COL11A1: variants seen among roughly 807,000 people sequenced by gnomAD.
The protein encoded by COL11A1 is collagen alpha-1(XI) chain.
In COL11A1, 74 loss-of-function variants were observed where a neutral mutation model predicts 265.2. The observed-to-expected ratio is 0.28, with a 90% confidence interval of 0.23 to 0.34. COL11A1 has a LOEUF of 0.34. Ranked by LOEUF, COL11A1 falls within the 10% of genes least tolerant of loss-of-function variation. The pLI is 1.00. For synonymous variants in COL11A1, 816 were observed against 727.6 expected (o/e 1.12, Z -1.96); for missense variants, 2,165 against 2,263.6 (o/e 0.96, Z 0.88).
chr1:103,082,088 T>A (rs1309470224), intron 2 of COL11A1, among the ~76,000 whole-genome samples: 2 of 151,986 alleles, frequency 1.3e-5, no homozygotes, highest in African/African-American at 4.8e-5. Context: ...CACATTATCA[T>A]GATTTCTAGA....
At chr1:102,964,832 G>T (rs1268333777) in intron 38 of COL11A1, among the ~76,000 whole-genome samples, 1 of 152,042 alleles carries the variant, frequency 6.6e-6, no homozygotes, top group Non-Finnish European at 1.5e-5. Context: ...AATATGCTTT[G>T]CCAGGGAAGA....
intron 5 of COL11A1, chr1:103,030,882 G>A (rs1667931838): frequency 8.0e-6 from 4 of 497,844 alleles, no homozygotes; most frequent in Non-Finnish European, 1.5e-5. Flanking sequence ...CATATACACA[G>A]TATACAAGTG....
rs770333147 is a variant in COL11A1, at chr1:102,913,632, C to T, written c.4032+5G>A. 10 of 1,612,718 alleles carry T rather than the reference C, an allele frequency of 6.2e-6. No homozygotes were observed. The Admixed American group carries it at 1.3e-4, about 22-fold the overall frequency. ...ACTTAAAAATAAATTAGTGCATTTACTCACCGGTTGACCAGGATCTCCATC... is the reference window on the plus strand; with the variant it reads ...ACTTAAAAATAAATTAGTGCATTTATTCACCGGTTGACCAGGATCTCCATC... On this transcript the variant is annotated splice_donor_5th_base_variant and intron_variant, in intron 53 of 66. Coordinates refer to ENST00000370096, the MANE Select transcript of COL11A1 (RefSeq NM_001854.4).
At chr1:102,947,642 G>A (rs1413085774) in intron 41 of COL11A1, among the ~76,000 whole-genome samples, 1 of 151,836 alleles carries the variant, frequency 6.6e-6, no homozygotes, top group Non-Finnish European at 1.5e-5. Flanking sequence ...AAGATGTAAT[G>A]CTTTTAACTA....
At chr1:102,994,239 C>T (rs1664408462) in intron 28 of COL11A1, among the ~76,000 whole-genome samples, 1 of 152,078 alleles carries the variant, frequency 6.6e-6, no homozygotes, top group East Asian at 1.9e-4. Context: ...GATATTTACC[C>T]ACCCAAATCT....
At chr1:102,949,045 G>A (rs1260844166) in intron 41 of COL11A1, among the ~76,000 whole-genome samples, 2 of 151,256 alleles carry the variant, frequency 1.3e-5, no homozygotes, top group Admixed American at 6.6e-5. Flanking sequence ...GAATGCAAAG[G>A]TGTCCCTTGA....
rs958994468 is a variant in COL11A1 at position 103,074,600 on chromosome 1, A to T, written c.651+18T>A. 2.5e-6 allele frequency: 4 copies of T among 1,611,894 alleles called. No homozygotes were observed. Among genetic ancestry groups the T allele is most frequent in the African/African-American group, 1.3e-5 (1 of 74,862 alleles). On this transcript the variant is annotated intron_variant, in intron 4 of 66. Transcript: ENST00000370096. ...TCTGATTTGTCAATATTCAGCTTAG[A>T]GTTGGATTTATTTTTACCTCAAAAA...
At chr1:103,022,682 G>A in intron 8 of COL11A1, 60 bp downstream of exon 8, 2 of 1,599,344 alleles carry the variant, frequency 1.3e-6, no homozygotes, top group Non-Finnish European at 1.7e-6. Context: ...AGATGGACAT[G>A]GACATAAAAA....
Position 102,987,494 on chromosome 1 carries a change from CAA to C in COL11A1, c.2502+137_2502+138del, listed in dbSNP as rs1394161891. ...CACTGAAACGTAAATGTAATGGTTG[CAA>C]ATTTAAAATGATAATGAAACATTTT... On this transcript the variant is annotated intron_variant, in intron 30 of 66. Transcript: ENST00000370096. 3 of 755,500 alleles carry C rather than the reference CAA, an allele frequency of 4.0e-6. No homozygotes were observed. In the African/African-American group the frequency reaches 5.2e-5, roughly 13 times the overall value. The allele number at this position is 755,500 out of a possible 1,614,324, so 46.8% of individuals were successfully genotyped here.
At chr1:103,074,077 A>T (rs1393597345) in intron 4 of COL11A1, among the ~76,000 whole-genome samples, 1 of 152,120 alleles carries the variant, frequency 6.6e-6, no homozygotes, top group Non-Finnish European at 1.5e-5. Flanking sequence ...TGATTGGAGG[A>T]CTAAAAGAAT....
chr1:102,905,515 TAAAA>T (rs35687179), intron 54 of COL11A1, among the ~76,000 whole-genome samples: 1 of 140,102 alleles, frequency 7.1e-6, no homozygotes, highest in African/African-American at 2.6e-5. Flanking sequence ...CCATATAAGT[TAAAA>T]AAAAAAAAAA....
chr1:102,965,012 AT>A (rs1345124211), intron 38 of COL11A1, among the ~76,000 whole-genome samples: 3 of 152,138 alleles, frequency 2.0e-5, no homozygotes, highest in Non-Finnish European at 4.4e-5. Flanking sequence ...TATTTCTGAT[AT>A]TCATTATTAT....
At position 103,006,118 on chromosome 1, in the gene COL11A1, G is replaced by T. The variant is rs1373294721; in HGVS notation, c.1741C>A (p.Arg581Ser). The T allele has an allele frequency of 1.2e-6, 2 of 1,613,308 alleles. No individual in the cohort carries two copies. Among genetic ancestry groups the T allele is most frequent in the Non-Finnish European group, 1.7e-6 (2 of 1,179,720 alleles). The change falls in exon 17 of 67, where the codon CGT becomes AGT. Residue 581 changes from arginine to serine, a missense_variant. Physicochemically the swap from Arg to Ser is moderately radical, Grantham distance 110. Coordinates refer to ENST00000370096, the MANE Select transcript of COL11A1 (RefSeq NM_001854.4). ...CCTCTTCCTCCATCTGCACCTGGACGACCCTAATAATGCCAACAGCATGAT... is the reference window on the plus strand; with the variant it reads ...CCTCTTCCTCCATCTGCACCTGGACTACCCTAATAATGCCAACAGCATGAT... ...GPTGKPGKRG[R>S]PGADGGRGMP...
intron 19 of COL11A1, 58 bp downstream of exon 19, chr1:103,004,550 T>C: frequency 6.3e-7 from 1 of 1,586,742 alleles, no homozygotes; most frequent in Non-Finnish European, 8.6e-7. Context: ...TTCAACATGA[T>C]TTTGTTTTAT....
At chr1:102,977,522 T>C (rs181757575) in intron 35 of COL11A1, among the ~76,000 whole-genome samples, 230 of 152,262 alleles carry the variant, frequency 1.5e-3, no homozygotes, top group African/African-American at 4.7e-3. Flanking sequence ...TGTAAGGAAA[T>C]ATTATTGATC....
chr1:103,106,571 A>T (rs1368594032), intron 1 of COL11A1, among the ~76,000 whole-genome samples: 1 of 152,212 alleles, frequency 6.6e-6, no homozygotes, highest in Non-Finnish European at 1.5e-5. Flanking sequence ...CAAAAGTAAA[A>T]TACAAACTTT....
In COL11A1 at chr1:102,976,289, C is replaced by CTTTTTTTTTTTTTTTTTTTTTTTTTTTTT. The variant is rs149842131; in HGVS notation, c.2755-1407_2755-1406insAAAAAAAAAAAAAAAAAAAAAAAAAAAAA. 9.0e-4 allele frequency among the ~76,000 whole-genome samples: 53 copies of CTTTTTTTTTTTTTTTTTTTTTTTTTTTTT among 58,602 alleles called. 19 individuals carry two copies. Among genetic ancestry groups the CTTTTTTTTTTTTTTTTTTTTTTTTTTTTT allele is most frequent in the South Asian group, 3.0e-3 (3 of 986 alleles). The allele number at this position is 58,602 out of a possible 152,430, so 38.4% of individuals were successfully genotyped here. A position where few individuals can be genotyped will look rare whatever the true frequency, so the allele number is the denominator to read the frequency against. On this transcript the variant is annotated intron_variant, in intron 35 of 66. Transcript: ENST00000370096. Reference sequence around the variant, plus strand: ...TATAAAATTTCACAGAAAACGTTGGCTTTTTTTTTTTTTTTTTTTTTTTTT... The same window carrying CTTTTTTTTTTTTTTTTTTTTTTTTTTTTT: ...TATAAAATTTCACAGAAAACGTTGGCTTTTTTTTTTTTTTTTTTTTTTTTTTTTTTTTTTTTTTTTTTTTTTTTTTTTTT...
intron 43 of COL11A1, among the ~76,000 whole-genome samples, chr1:102,939,591 C>A (rs1330627711): frequency 6.6e-6 from 1 of 151,942 alleles, no homozygotes; most frequent in African/African-American, 2.4e-5. Flanking sequence ...GTAGTCTCAG[C>A]TACTTGGGAA....
chr1:103,102,506 A>G lies in COL11A1; in HGVS notation c.106+5567T>C, dbSNP rs138553405. ...CCAACTCAGGTCACATTTCCCCAGT[A>G]TTACATGAGGGAAGTGAAGGAGTAA... On this transcript the variant is annotated intron_variant, in intron 1 of 66. Coordinates refer to ENST00000370096, the MANE Select transcript of COL11A1 (RefSeq NM_001854.4). Among the ~76,000 whole-genome samples, 42 of 152,166 alleles carry G rather than the reference A, an allele frequency of 2.8e-4. No individual in the cohort carries two copies. The East Asian group carries it at 7.4e-3, about 27-fold the overall frequency.
Sources: allele counts gnomAD v4.1 joint callset (sites outside exome capture counted in the v4.1 genomes callset), GRCh38; gene constraint gnomAD v4.1.1; transcripts MANE v1.5; gene names NCBI Gene and HGNC (gene_info 2026-07-23, HGNC 2026-07-21).